KCNK2: variants seen among roughly 807,000 people sequenced by gnomAD.
KCNK2 encodes potassium channel subfamily K member 2.
Under a neutral mutation model 40.5 loss-of-function variants are expected in KCNK2, and 21 were observed. The ratio of observed to expected loss-of-function variants is 0.52; its 90% confidence interval spans 0.37 to 0.75. KCNK2 has a LOEUF of 0.75. Ranked by LOEUF, KCNK2 falls within the 30% of genes least tolerant of loss-of-function variation. KCNK2 has a pLI of 0.00. For synonymous variants in KCNK2, 191 were observed against 202.2 expected (o/e 0.94, Z 0.47); for missense variants, 399 against 531.6 (o/e 0.75, Z 2.45).
At chr1:215,177,740 A>ATTTTTTTTTTT (rs375712483) in intron 5 of KCNK2, among the ~76,000 whole-genome samples, 1 of 101,600 alleles carries the variant, frequency 9.8e-6, no homozygotes, top group Admixed American at 1.2e-4. Flanking sequence ...ATATATATAT[A>ATTTTTTTTTTT]TTTTTTTTTT....
chr1:215,159,316 C>T (rs1184316321), intron 3 of KCNK2, among the ~76,000 whole-genome samples: 1 of 152,098 alleles, frequency 6.6e-6, no homozygotes, highest in Non-Finnish European at 1.5e-5. Context: ...TACTCCAGGG[C>T]TCTCAACTTC....
At chr1:215,209,039 C>G (rs1252338274) in intron 6 of KCNK2, among the ~76,000 whole-genome samples, 1 of 151,338 alleles carries the variant, frequency 6.6e-6, no homozygotes, top group Non-Finnish European at 1.5e-5. Context: ...GTTGGCCAGG[C>G]TGGTCTCAAA....
chr1:215,088,880 C>A (rs902770717), intron 2 of KCNK2, among the ~76,000 whole-genome samples: 3 of 152,096 alleles, frequency 2.0e-5, no homozygotes, highest in Non-Finnish European at 4.4e-5. Flanking sequence ...TCATAAAAAT[C>A]TTTTTTATAT....
At chr1:215,005,704 C>T, upstream of KCNK2, 2 of 505,424 alleles carry the variant, frequency 4.0e-6, no homozygotes, top group Non-Finnish European at 7.1e-6. Flanking sequence ...ATTTGAGTAG[C>T]ACATTTCACT....
In KCNK2 at chr1:215,083,263, C is replaced by T. The variant is rs1346886138; in HGVS notation, c.-123C>T. The T allele has an allele frequency of 4.7e-6, 7 of 1,479,452 alleles. No homozygotes were observed. The highest frequency in any genetic ancestry group is 2.7e-5 in the East Asian group (1 of 36,690). 91.6% of individuals were successfully genotyped at this position (1,479,452 alleles called of 1,614,324 possible). ...TTGTAAAACAAAGCCGGGGAAAATGCCTGCCCGTGCAGCTCGGAGCGCGCA... is the reference window on the plus strand; with the variant it reads ...TTGTAAAACAAAGCCGGGGAAAATGTCTGCCCGTGCAGCTCGGAGCGCGCA... On this transcript the variant is annotated 5_prime_UTR_variant, in exon 1 of 7. Coordinates refer to ENST00000444842, the MANE Select transcript of KCNK2 (RefSeq NM_001017425.3).
intron 2 of KCNK2, among the ~76,000 whole-genome samples, chr1:215,093,470 A>G (rs1659788853): frequency 9.1e-6 from 1 of 109,848 alleles, no homozygotes. Flanking sequence ...TATAATGTAC[A>G]TATAATATAC....
intron 5 of KCNK2, among the ~76,000 whole-genome samples, chr1:215,177,423 T>C (rs1664022231): frequency 6.6e-6 from 1 of 152,056 alleles, no homozygotes; most frequent in Admixed American, 6.6e-5. Flanking sequence ...TCACAAATTC[T>C]TTCCCAAGGC....
At position 215,236,749 on chromosome 1, in the gene KCNK2, T is replaced by C. The variant is rs979976111; in HGVS notation, c.*1604T>C. 3.3e-5 allele frequency: 5 copies of C among 152,072 alleles called. No homozygotes were observed. Among genetic ancestry groups the C allele is most frequent in the African/African-American group, 1.2e-4 (5 of 41,418 alleles). 9.4% of individuals were successfully genotyped at this position (152,072 alleles called of 1,614,324 possible). ...AAATATAATTGCAAACTGATTTCTTTTACTTTTTTGTGTGTGGGGGTGGGA... is the reference window on the plus strand; with the variant it reads ...AAATATAATTGCAAACTGATTTCTTCTACTTTTTTGTGTGTGGGGGTGGGA... On this transcript the variant is annotated 3_prime_UTR_variant, in exon 7 of 7. Transcript: ENST00000444842.
chr1:215,107,212 C>G, intron 2 of KCNK2, among the ~76,000 whole-genome samples: 1 of 151,892 alleles, frequency 6.6e-6, no homozygotes, highest in East Asian at 1.9e-4. Context: ...TTATTTCAAT[C>G]TATGAGCATG....
Position 215,174,204 on chromosome 1 carries a change from C to T in KCNK2, c.823+2021C>T, listed in dbSNP as rs545137780. On this transcript the variant is annotated intron_variant, in intron 5 of 6. Transcript: ENST00000444842. ...TTCTACATATGGCTAGCCAGTTTTC[C>T]CAGCACCATTTATTAAATAGGGAAT... is the stretch of plus-strand genomic sequence containing the variant. Among the ~76,000 whole-genome samples, 27 of 152,174 alleles carry T rather than the reference C, an allele frequency of 1.8e-4. No homozygotes were observed. The East Asian group carries it at 4.8e-3, about 27-fold the overall frequency.
At position 215,172,038 on chromosome 1, in the gene KCNK2, A is replaced by G. The variant is rs148690990; in HGVS notation, c.678A>G (p.Thr226=). 3.1e-6 allele frequency: 5 copies of G among 1,613,188 alleles called. No homozygotes were observed. The highest frequency in any genetic ancestry group is 1.3e-5 in the African/African-American group (1 of 74,888). The change falls in exon 5 of 7, where the codon ACA becomes ACG. Residue 226 remains threonine (T), a synonymous_variant. Transcript: ENST00000444842. The stretch of plus-strand genomic sequence containing the variant: ...AGACCAAGATTCGCATCATCTCAAC[A>G]ATCATATTTATACTATTTGGCTGTG... ...VSQTKIRIIS[T]IIFILFGCVL... is the part of the protein sequence containing the mutation.
chr1:215,231,318 G>A (rs1666655760), intron 6 of KCNK2, among the ~76,000 whole-genome samples: 1 of 152,142 alleles, frequency 6.6e-6, no homozygotes, highest in Admixed American at 6.5e-5. Context: ...TTCTGAGTCT[G>A]AAAATAATGC....
chr1:215,151,554 G>A (rs992246880), intron 3 of KCNK2, among the ~76,000 whole-genome samples: 1 of 151,920 alleles, frequency 6.6e-6, no homozygotes, highest in Non-Finnish European at 1.5e-5. Context: ...TTTTATATAA[G>A]TTCATGAAGT....
intron 1 of KCNK2, among the ~76,000 whole-genome samples, chr1:215,073,205 C>G (rs1658816151): frequency 6.6e-6 from 1 of 152,158 alleles, no homozygotes; most frequent in African/African-American, 2.4e-5. Flanking sequence ...TTCCTTAGAG[C>G]TGCCACAGAG....
intron 3 of KCNK2, among the ~76,000 whole-genome samples, chr1:215,161,412 C>T (rs1663187840): frequency 6.6e-6 from 1 of 151,688 alleles, no homozygotes; most frequent in Admixed American, 6.6e-5. Flanking sequence ...CTCTTTCTCC[C>T]TCTCTGTCTT....
At chr1:215,171,826 G>T (rs901265614) in intron 4 of KCNK2, among the ~76,000 whole-genome samples, 171 bp from the exon 5 acceptor site, 1 of 151,946 alleles carries the variant, frequency 6.6e-6, no homozygotes, top group Non-Finnish European at 1.5e-5. Context: ...AAGTGTAAAA[G>T]AAAATAAAAT....
intron 2 of KCNK2, among the ~76,000 whole-genome samples, chr1:215,090,031 G>A (rs1659626749): frequency 6.6e-6 from 1 of 151,858 alleles, no homozygotes. Context: ...TCTCCGTATT[G>A]GTCAGGCTGG....
At chr1:215,120,318 T>C (rs1403089355) in intron 2 of KCNK2, among the ~76,000 whole-genome samples, 4 of 152,164 alleles carry the variant, frequency 2.6e-5, no homozygotes, top group Non-Finnish European at 4.4e-5. Context: ...TAATTTTAAT[T>C]AATGGGGGCG....
At chr1:215,099,133 G>C (rs1660103339) in intron 2 of KCNK2, among the ~76,000 whole-genome samples, 1 of 151,850 alleles carries the variant, frequency 6.6e-6, no homozygotes, top group Admixed American at 6.6e-5. Context: ...CCTAGTACCT[G>C]TTAGTTATCT....
Sources: allele counts gnomAD v4.1 joint callset (sites outside exome capture counted in the v4.1 genomes callset), GRCh38; gene constraint gnomAD v4.1.1; transcripts MANE v1.5; gene names NCBI Gene and HGNC (gene_info 2026-07-23, HGNC 2026-07-21).